TRPV4: variants seen among roughly 807,000 people sequenced by gnomAD.
The protein encoded by TRPV4 is OSM9-like transient receptor potential channel 4.
In TRPV4, 58 loss-of-function variants were observed where a neutral mutation model predicts 84.1. The observed-to-expected ratio is 0.69, with a 90% CI of 0.56 to 0.86. The LOEUF (loss-of-function observed/expected upper bound fraction) is 0.86, where lower values mean the gene tolerates loss of function less well. Among genes scored for constraint, TRPV4 ranks in the 40% least tolerant of loss-of-function variants. TRPV4 has a pLI of 0.00. For synonymous variants in TRPV4, 489 were observed against 500.9 expected (o/e 0.98, Z 0.32); for missense variants, 879 against 1,181.1 (o/e 0.74, Z 3.75).
chr12:109,822,493 C>T (rs889596402), intron 1 of TRPV4, among the ~76,000 whole-genome samples: 1 of 152,248 alleles, frequency 6.6e-6, no homozygotes, highest in Non-Finnish European at 1.5e-5. Context: ...TCCACCCCCT[C>T]CCCACCTTCC....
intron 12 of TRPV4, among the ~76,000 whole-genome samples, chr12:109,791,218 AC>A (rs1265017144): frequency 6.6e-6 from 1 of 151,948 alleles, no homozygotes; most frequent in Admixed American, 6.6e-5. Context: ...CCCCATCTCT[AC>A]CAAAAATATA....
intron 1 of TRPV4, among the ~76,000 whole-genome samples, chr12:109,826,336 T>G (rs1430442242): frequency 6.6e-6 from 1 of 152,248 alleles, no homozygotes; most frequent in Non-Finnish European, 1.5e-5. Flanking sequence ...TTCTATCTAT[T>G]TTAATCCAAA....
rs1263198315 is a variant in TRPV4 at position 109,798,371 on chromosome 12, G to T, written c.1152+243C>A. On this transcript the variant is annotated intron_variant, in intron 6 of 15. Coordinates refer to ENST00000261740, the MANE Select transcript of TRPV4 (RefSeq NM_021625.5). This position sits in a 1 kb window ranked among gnomAD's most constrained non-coding sequence, Gnocchi z 5.0. ...ATCAGTGGCTCATCCTGGCTGGTGG[G>T]GGTGGAGTGGTGAACATCCAGTAGG... 2.0e-5 allele frequency among the ~76,000 whole-genome samples: 3 copies of T among 152,232 alleles called. No homozygotes were observed. Among genetic ancestry groups the T allele is most frequent in the Non-Finnish European group, 2.9e-5 (2 of 68,038 alleles).
At position 109,815,249 on chromosome 12, in the gene TRPV4, T is replaced by G. The variant is rs1891792426; in HGVS notation, c.-31-422A>C. ...TCGACATTTCATAGCCTCAGCTTCC[T>G]GATCTGTAAGATGGGGATATCCAAG... On this transcript the variant is annotated intron_variant, in intron 1 of 15. Coordinates refer to ENST00000261740, the MANE Select transcript of TRPV4 (RefSeq NM_021625.5). This position sits in a 1 kb window ranked among gnomAD's most constrained non-coding sequence, Gnocchi z 4.1. 6.6e-6 allele frequency among the ~76,000 whole-genome samples: 1 copy of G among 152,382 alleles called. No individual in the cohort carries two copies. The highest frequency in any genetic ancestry group is 1.5e-5 in the Non-Finnish European group (1 of 68,044).
At chr12:109,794,564 T>C (rs1890270767) in intron 7 of TRPV4, 77 bp from the exon 8 acceptor site, 1 of 1,484,956 alleles carries the variant, frequency 6.7e-7, no homozygotes, top group Non-Finnish European at 9.4e-7. Flanking sequence ...CGGGTGTGCC[T>C]TCCCCCACCC....
chr12:109,802,704 C>T (rs757451898), intron 4 of TRPV4, among the ~76,000 whole-genome samples: 1 of 152,038 alleles, frequency 6.6e-6, no homozygotes, highest in Non-Finnish European at 1.5e-5. Context: ...GATCTGCCCC[C>T]CTTGGCCTCC....
Position 109,786,259 on chromosome 12 carries a change from C to G in TRPV4, c.2336+451G>C, listed in dbSNP as rs1442461335. 6.6e-6 allele frequency among the ~76,000 whole-genome samples: 1 copy of G among 152,174 alleles called. No individual in the cohort carries two copies. The highest frequency in any genetic ancestry group is 1.5e-5 in the Non-Finnish European group (1 of 68,032). On this transcript the variant is annotated intron_variant, in intron 14 of 15. Transcript: ENST00000261740. The surrounding 1 kb of genome is among the most constrained non-coding windows in gnomAD (Gnocchi z 4.5). ...TCTGCAGATGGGCTGGGTGAGGTCT[C>G]CAGCCCTGGAAACTGCACATTCCTC...
At chr12:109,827,706 A>C (rs1892300401) in intron 1 of TRPV4, among the ~76,000 whole-genome samples, 1 of 152,094 alleles carries the variant, frequency 6.6e-6, no homozygotes. Flanking sequence ...ACACACATAC[A>C]CATGTATATA....
At chr12:109,825,966 G>A (rs1892241688) in intron 1 of TRPV4, among the ~76,000 whole-genome samples, 1 of 152,184 alleles carries the variant, frequency 6.6e-6, no homozygotes, top group Admixed American at 6.5e-5. Flanking sequence ...GCTAATGCCT[G>A]CAATGTACCA....
At chr12:109,802,967 C>T (rs890768455) in intron 4 of TRPV4, 24 bp downstream of exon 4, 1 of 1,612,862 alleles carries the variant, frequency 6.2e-7, no homozygotes, top group East Asian at 2.2e-5. Flanking sequence ...CCCCGTGGCA[C>T]CCCTGCCCAG....
At chr12:109,829,962 C>T (rs1280335036) in intron 1 of TRPV4, among the ~76,000 whole-genome samples, 2 of 152,212 alleles carry the variant, frequency 1.3e-5, no homozygotes, top group South Asian at 2.1e-4. Flanking sequence ...ACTACAGGTG[C>T]GTGCTACCAC....
Position 109,796,581 on chromosome 12 carries a change from T to C in TRPV4, c.1276A>G (p.Thr426Ala). 6.2e-7 allele frequency: 1 copy of C among 1,614,134 alleles called. No homozygotes were observed. Reference sequence around the variant, plus strand: ...AGCACGGAGGCCTCTTCCCCACACGTGTCCAGGGAGGAGAGGTCATAAAGC... The same window carrying C: ...AGCACGGAGGCCTCTTCCCCACACGCGTCCAGGGAGGAGAGGTCATAAAGC... ...SSLYDLSSLD[T>A]CGEEASVLEI... The change falls in exon 7 of 16, where the codon ACG (threonine) becomes GCG (alanine). Residue 426 changes from threonine to alanine, a missense_variant. Thr to Ala is a moderately conservative substitution (Grantham distance 58, BLOSUM62 0). Transcript: ENST00000261740. This position sits in a 1 kb window ranked among gnomAD's most constrained non-coding sequence, Gnocchi z 4.2.
At chr12:109,799,525 A>C (rs866495207) in intron 5 of TRPV4, among the ~76,000 whole-genome samples, 3 of 152,230 alleles carry the variant, frequency 2.0e-5, no homozygotes, top group Admixed American at 1.3e-4. Flanking sequence ...AAAATTCAAA[A>C]TATTTCATGA....
chr12:109,827,905 C>A (rs1892312100), intron 1 of TRPV4, among the ~76,000 whole-genome samples: 1 of 151,946 alleles, frequency 6.6e-6, no homozygotes, highest in Non-Finnish European at 1.5e-5. Flanking sequence ...TACGCACATA[C>A]ACACGCACAT....
chr12:109,794,283 C>G (rs1015938250), intron 8 of TRPV4, 46 bp downstream of exon 8: 6 of 1,605,410 alleles, frequency 3.7e-6, no homozygotes, highest in Non-Finnish European at 5.1e-6. Flanking sequence ...CTGCATGGCT[C>G]AGCCCAGTGC....
chr12:109,828,436 C>T (rs908893994), intron 1 of TRPV4, among the ~76,000 whole-genome samples: 3 of 152,214 alleles, frequency 2.0e-5, no homozygotes, highest in Admixed American at 6.5e-5. Context: ...CTTCCTCATT[C>T]CTGTCCGGCC....
At chr12:109,806,866 A>G (rs1891171780) in intron 3 of TRPV4, among the ~76,000 whole-genome samples, 1 of 134,346 alleles carries the variant, frequency 7.4e-6, no homozygotes, top group Non-Finnish European at 1.6e-5. Flanking sequence ...ATCTCAAAAA[A>G]AAAAAAGAAA....
intron 3 of TRPV4, among the ~76,000 whole-genome samples, chr12:109,804,020 G>A (rs61243153): frequency 0.036 from 5,531 of 152,182 alleles, 133 homozygotes; most frequent in South Asian, 0.06. Context: ...GTGTGGGACT[G>A]TGTGCCACAG....
intron 1 of TRPV4, among the ~76,000 whole-genome samples, chr12:109,827,125 T>C (rs919907483): frequency 6.6e-6 from 1 of 152,228 alleles, no homozygotes; most frequent in Non-Finnish European, 1.5e-5. Flanking sequence ...TCTGCCCAGC[T>C]AACTAATTAG....
Sources: allele counts gnomAD v4.1 joint callset (sites outside exome capture counted in the v4.1 genomes callset), GRCh38; gene constraint gnomAD v4.1.1; non-coding constraint Gnocchi (gnomAD v3.1); transcripts MANE v1.5; gene names NCBI Gene and HGNC (gene_info 2026-07-23, HGNC 2026-07-21).